The following BABAM2 variants were observed in gnomAD, a reference collection of about 807,000 sequenced individuals.
The protein encoded by BABAM2 is BRISC and BRCA1-A complex member 2.
BABAM2 carries 31 observed loss-of-function variants against 54.7 expected under a neutral mutation model. The observed-to-expected ratio is 0.57, with a 90% confidence interval of 0.43 to 0.77. The LOEUF is 0.77. BABAM2 is among the 30% of genes least tolerant of loss of function. The pLI is 0.00. For synonymous variants in BABAM2, 167 were observed against 162.9 expected (o/e 1.03, Z -0.19); for missense variants, 364 against 455.8 (o/e 0.80, Z 1.83).
chr2:28,211,386 CTT>C (rs770284745), intron 7 of BABAM2, among the ~76,000 whole-genome samples: 3 of 96,890 alleles, frequency 3.1e-5, no homozygotes, highest in African/African-American at 1.1e-4. Context: ...TCCTTATTAT[CTT>C]TTTTTTTTTT....
At chr2:28,068,138 T>C (rs958846659) in intron 6 of BABAM2, among the ~76,000 whole-genome samples, 4 of 152,196 alleles carry the variant, frequency 2.6e-5, no homozygotes, top group Non-Finnish European at 5.9e-5. Context: ...TAGAGCTCAT[T>C]CTATTTTTAT....
At chr2:28,249,382 C>G (rs1184067722) in intron 10 of BABAM2, among the ~76,000 whole-genome samples, 2 of 152,092 alleles carry the variant, frequency 1.3e-5, no homozygotes, top group Admixed American at 1.3e-4. Context: ...AGCCACTGCA[C>G]CCTGCCCTAA....
chr2:28,163,585 A>G (rs1673321477), intron 7 of BABAM2, among the ~76,000 whole-genome samples: 1 of 152,204 alleles, frequency 6.6e-6, no homozygotes, highest in Non-Finnish European at 1.5e-5. Flanking sequence ...AAGAATAATG[A>G]AAAACTGAGA....
rs954444633 is a variant in BABAM2 at position 28,106,241 on chromosome 2, A to T, written c.571-23030A>T. Among the ~76,000 whole-genome samples the T allele has an allele frequency of 4.6e-5, 7 of 152,096 alleles. No individual in the cohort carries two copies. The East Asian group carries it at 5.8e-4, about 13-fold the overall frequency. ...AAATTTCACTTATATTGTCCCAATG[A>T]TTTCTTTGTAGCAGAAGAATTCAGT... On this transcript the variant is annotated intron_variant, in intron 6 of 11. Transcript: ENST00000379624.
At chr2:28,018,992 C>T (rs1322676195) in intron 4 of BABAM2, among the ~76,000 whole-genome samples, 1 of 152,080 alleles carries the variant, frequency 6.6e-6, no homozygotes, top group African/African-American at 2.4e-5. Context: ...TAATGCTCTC[C>T]CTCCCCTTAC....
At chr2:28,111,742 T>C (rs764147149) in intron 6 of BABAM2, among the ~76,000 whole-genome samples, 1 of 152,074 alleles carries the variant, frequency 6.6e-6, no homozygotes, top group Non-Finnish European at 1.5e-5. Flanking sequence ...TCAGTGCACA[T>C]ACAAATAACC....
chr2:27,955,608 A>T (rs1020516018), intron 3 of BABAM2, among the ~76,000 whole-genome samples: 2 of 152,230 alleles, frequency 1.3e-5, no homozygotes, highest in Non-Finnish European at 2.9e-5. Context: ...AAATGAAGTT[A>T]TGCTTGTCTT....
intron 11 of BABAM2, among the ~76,000 whole-genome samples, chr2:28,305,629 G>A (rs762245427): frequency 6.6e-6 from 1 of 152,090 alleles, no homozygotes; most frequent in Non-Finnish European, 1.5e-5. Flanking sequence ...CTTTCCAAAT[G>A]TTTGGTAGGG....
Position 28,296,321 on chromosome 2 carries a change from C to A in BABAM2, c.935-2017C>A, listed in dbSNP as rs150333563. Reference sequence around the variant, plus strand: ...TCGTATTGTTCCTCTATACTATGAACTCTCTGCTTTGGCACCAACAGACAT... The same window carrying A: ...TCGTATTGTTCCTCTATACTATGAAATCTCTGCTTTGGCACCAACAGACAT... On this transcript the variant is annotated intron_variant, in intron 10 of 11. Coordinates refer to ENST00000379624, the MANE Select transcript of BABAM2 (RefSeq NM_199191.3). 5.4e-3 allele frequency among the ~76,000 whole-genome samples: 818 copies of A among 152,310 alleles called. 7 individuals carry two copies. Among genetic ancestry groups the A allele is most frequent in the African/African-American group, 0.018 (767 of 41,560 alleles).
At chr2:27,983,942 C>CTTTTTTTCTTTTTTTTTTTTTT (rs1672199060) in intron 3 of BABAM2, among the ~76,000 whole-genome samples, 1 of 31,138 alleles carries the variant, frequency 3.2e-5, no homozygotes, top group Non-Finnish European at 6.5e-5. Context: ...CATTTTGTAC[C>CTTTTTTTCTTTTTTTTTTTTTT]TTTTTTTTTT....
At chr2:28,100,408 C>T (rs1289924876) in intron 6 of BABAM2, among the ~76,000 whole-genome samples, 5 of 140,030 alleles carry the variant, frequency 3.6e-5, no homozygotes, top group East Asian at 4.1e-4. Context: ...TGCAGTGAGA[C>T]GAGACCGTGC....
At chr2:28,041,564 A>T (rs1677102699) in intron 5 of BABAM2, among the ~76,000 whole-genome samples, 1 of 152,148 alleles carries the variant, frequency 6.6e-6, no homozygotes, top group Non-Finnish European at 1.5e-5. Flanking sequence ...CATGGAGGAG[A>T]GAGTTTCTGG....
intron 7 of BABAM2, among the ~76,000 whole-genome samples, chr2:28,192,472 A>G (rs1422572097): frequency 6.6e-6 from 1 of 151,300 alleles, no homozygotes; most frequent in African/African-American, 2.4e-5. Context: ...AAGCTAATGC[A>G]GTCACAATTT....
chr2:28,237,165 C>A (rs1231871436), intron 7 of BABAM2, 37 bp from the exon 8 acceptor site: 2 of 1,567,048 alleles, frequency 1.3e-6, no homozygotes, highest in Non-Finnish European at 1.8e-6. Flanking sequence ...TTGCTTGAGC[C>A]CTAAGAGAAG....
rs142457806 is a variant in BABAM2 at position 27,938,760 on chromosome 2, G to A, written c.205+8852G>A. 2.8e-3 allele frequency among the ~76,000 whole-genome samples: 431 copies of A among 152,216 alleles called. 2 individuals carry two copies. The highest frequency in any genetic ancestry group is 0.01 in the African/African-American group (418 of 41,532). Reference sequence around the variant, plus strand: ...TATACTGTAAGAGGAAAATGAGTAAGTATAGATTTAAATTATATTCTACGG... The same window carrying A: ...TATACTGTAAGAGGAAAATGAGTAAATATAGATTTAAATTATATTCTACGG... On this transcript the variant is annotated intron_variant, in intron 3 of 11. Coordinates refer to ENST00000379624, the MANE Select transcript of BABAM2 (RefSeq NM_199191.3).
intron 5 of BABAM2, among the ~76,000 whole-genome samples, chr2:28,033,070 A>G (rs1676415585): frequency 6.6e-6 from 1 of 152,156 alleles, no homozygotes; most frequent in South Asian, 2.1e-4. Context: ...TACCCGTTTG[A>G]GCAGAGCTAT....
intron 6 of BABAM2, among the ~76,000 whole-genome samples, chr2:28,062,488 G>A (rs1224788424): frequency 6.7e-6 from 1 of 150,184 alleles, no homozygotes. Context: ...ACTTGAACCC[G>A]GGAGGTGGAG....
intron 4 of BABAM2, among the ~76,000 whole-genome samples, chr2:27,991,974 A>G (rs759769799): frequency 1.2e-4 from 18 of 152,190 alleles, no homozygotes; most frequent in Non-Finnish European, 1.9e-4. Context: ...CATTCTTACC[A>G]GAAGTGTATG....
chr2:28,195,365 T>C (rs868628269), intron 7 of BABAM2, among the ~76,000 whole-genome samples: 2 of 152,200 alleles, frequency 1.3e-5, no homozygotes, highest in African/African-American at 4.8e-5. Context: ...CTCTTATAGA[T>C]AATAATAACA....
Sources: allele counts gnomAD v4.1 joint callset (sites outside exome capture counted in the v4.1 genomes callset), GRCh38; gene constraint gnomAD v4.1.1; transcripts MANE v1.5; gene names NCBI Gene and HGNC (gene_info 2026-07-23, HGNC 2026-07-21).